Variants in CNBD1 observed in about 807,000 individuals in gnomAD.
The protein encoded by CNBD1 is cyclic nucleotide binding domain containing 1, also known as cyclic nucleotide-binding domain-containing protein 1.
CNBD1 carries 71 observed loss-of-function variants against 54.4 expected under a neutral mutation model. The ratio of observed to expected loss-of-function variants is 1.30; its 90% CI spans 1.08 to 1.59. The LOEUF (loss-of-function observed/expected upper bound fraction) is 1.59, where lower values mean the gene tolerates loss of function less well. CNBD1 is among the 40% of genes most tolerant of loss of function. The pLI, the probability that CNBD1 is intolerant of heterozygous loss-of-function variation, is 0.00. For missense variants in CNBD1, 659 were observed against 518.0 expected, an observed-to-expected ratio of 1.27 and a Z score of -2.64; for synonymous variants, 182 against 170.7, an observed-to-expected ratio of 1.07 and a Z score of -0.51.
intron 4 of CNBD1, among the ~76,000 whole-genome samples, chr8:87,119,910 G>T (rs1811856823): frequency 6.6e-6 from 1 of 151,976 alleles, no homozygotes; most frequent in Non-Finnish European, 1.5e-5. Context: ...AACTATCCTT[G>T]CATCCCTGGC....
chr8:87,389,592 T>A (rs138252157), intron 2 of CNBD1, among the ~76,000 whole-genome samples: 2,867 of 152,016 alleles, frequency 0.019, 90 homozygotes, highest in African/African-American at 0.062. Flanking sequence ...CTGCTCGAAG[T>A]AATAAAAGAG....
At chr8:87,354,776 T>A (rs1417499720) in intron 10 of CNBD1, among the ~76,000 whole-genome samples, 4 of 152,220 alleles carry the variant, frequency 2.6e-5, no homozygotes, top group Non-Finnish European at 5.9e-5. Context: ...ATGGTGTATA[T>A]GTGCCACATT....
chr8:87,225,250 A>G (rs866281576), intron 5 of CNBD1, among the ~76,000 whole-genome samples: 2,682 of 144,856 alleles, frequency 0.019, 81 homozygotes, highest in African/African-American at 0.062. Context: ...TCTCCTGCCT[A>G]ATTGCCCTGG....
At chr8:87,339,233 G>A (rs1221502775) in intron 8 of CNBD1, among the ~76,000 whole-genome samples, 1 of 152,240 alleles carries the variant, frequency 6.6e-6, no homozygotes, top group South Asian at 2.1e-4. Flanking sequence ...CTTACTATAA[G>A]TACATGCTAA....
At chr8:86,968,830 C>T in intron 4 of CNBD1, among the ~76,000 whole-genome samples, 1 of 152,178 alleles carries the variant, frequency 6.6e-6, no homozygotes, top group East Asian at 1.9e-4. Flanking sequence ...AGGAAGCAAT[C>T]AGATACGCAT....
chr8:87,005,311 G>A (rs1391685992), intron 4 of CNBD1, among the ~76,000 whole-genome samples: 10 of 151,728 alleles, frequency 6.6e-5, no homozygotes, highest in East Asian at 2.0e-4. Flanking sequence ...CAGAGCTTGC[G>A]GTGAGCTGAG....
intron 4 of CNBD1, among the ~76,000 whole-genome samples, chr8:87,016,936 G>C (rs928151435): frequency 6.6e-6 from 1 of 152,158 alleles, no homozygotes; most frequent in Non-Finnish European, 1.5e-5. Flanking sequence ...TGATAACTGG[G>C]ATATCCTCCC....
At chr8:87,214,749 C>A (rs1814172329) in intron 5 of CNBD1, among the ~76,000 whole-genome samples, 1 of 152,182 alleles carries the variant, frequency 6.6e-6, no homozygotes, top group Non-Finnish European at 1.5e-5. Flanking sequence ...TCACACATGG[C>A]AGCAGGCAAC....
chr8:87,417,253 A>G (rs1256739697), intron 2 of CNBD1, among the ~76,000 whole-genome samples: 2 of 151,978 alleles, frequency 1.3e-5, no homozygotes, highest in African/African-American at 4.8e-5. Context: ...ACTGCCCTTC[A>G]TAAAACCATC....
At chr8:87,183,504 A>G (rs146027342) in intron 4 of CNBD1, among the ~76,000 whole-genome samples, 135 of 150,066 alleles carry the variant, frequency 9.0e-4, no homozygotes, top group African/African-American at 3.3e-3. Context: ...TTTTCTTGCC[A>G]TCCAGATTCT....
At chr8:86,942,171 A>C (rs1201447309) in intron 4 of CNBD1, among the ~76,000 whole-genome samples, 3 of 152,214 alleles carry the variant, frequency 2.0e-5, no homozygotes, top group African/African-American at 7.2e-5. Context: ...GCTATGACAA[A>C]CTATTAATAG....
intron 4 of CNBD1, among the ~76,000 whole-genome samples, chr8:87,041,798 CA>C (rs1210768009): frequency 6.6e-6 from 1 of 151,662 alleles, no homozygotes; most frequent in South Asian, 2.1e-4. Flanking sequence ...GACTCCGTCT[CA>C]AAAAAAATAA....
At chr8:87,270,130 G>T (rs1808332789) in intron 6 of CNBD1, among the ~76,000 whole-genome samples, 1 of 151,864 alleles carries the variant, frequency 6.6e-6, no homozygotes, top group African/African-American at 2.4e-5. Context: ...AATGTGATTT[G>T]CCACATAAAT....
At chr8:86,996,973 T>C (rs1808888432) in intron 4 of CNBD1, among the ~76,000 whole-genome samples, 1 of 152,182 alleles carries the variant, frequency 6.6e-6, no homozygotes, top group African/African-American at 2.4e-5. Context: ...GTAAGGACAT[T>C]AATCCCATTT....
intron 8 of CNBD1, among the ~76,000 whole-genome samples, chr8:87,306,680 A>G (rs937132983): frequency 2.0e-5 from 3 of 152,034 alleles, no homozygotes; most frequent in Non-Finnish European, 4.4e-5. Flanking sequence ...CAAACATCAT[A>G]TGTTCTCACC....
At chr8:87,305,152 T>C (rs1809115172) in intron 8 of CNBD1, among the ~76,000 whole-genome samples, 1 of 152,020 alleles carries the variant, frequency 6.6e-6, no homozygotes, top group Non-Finnish European at 1.5e-5. Context: ...CAACACCTTT[T>C]ACAATAGCTG....
chr8:87,344,909 T>G (rs866257926), intron 8 of CNBD1, among the ~76,000 whole-genome samples: 1 of 152,282 alleles, frequency 6.6e-6, no homozygotes, highest in African/African-American at 2.4e-5. Flanking sequence ...AATATTTAAA[T>G]GGACAGTTAC....
Position 87,382,727 on chromosome 8 carries a change from G to C in CNBD1, c.*100G>C. The stretch of plus-strand genomic sequence containing the variant: ...CTATCAAACTACCAGCAATGAATTT[G>C]GTCTATTGTGACTACATATCCTGGA... On this transcript the variant is annotated 3_prime_UTR_variant, in exon 11 of 11. Coordinates refer to ENST00000518476, the MANE Select transcript of CNBD1 (RefSeq NM_173538.3). The C allele has an allele frequency of 1.1e-6, 1 of 932,034 alleles. No homozygotes were observed. The highest frequency in any genetic ancestry group is 1.7e-5 in the African/African-American group (1 of 60,602). 57.7% of individuals were successfully genotyped at this position (932,034 alleles called of 1,614,324 possible).
rs116897176 is a variant in CNBD1 at position 87,394,140 on chromosome 8, T to G, written c.214-34406T>G. Among the ~76,000 whole-genome samples the G allele has an allele frequency of 7.2e-3, 1,098 of 151,978 alleles. 12 individuals are homozygous for G. The highest frequency in any genetic ancestry group is 0.025 in the African/African-American group (1,039 of 41,526). On this transcript the variant is annotated intron_variant, in intron 2 of 7. Transcript: ENST00000521593. ...TGATAGGGCGTAACAATCACCCACA[T>G]AGAATATTTTATGAGCATGTTACAC...
Sources: allele counts gnomAD v4.1 joint callset (sites outside exome capture counted in the v4.1 genomes callset), GRCh38; gene constraint gnomAD v4.1.1; transcripts MANE v1.5; gene names NCBI Gene and HGNC (gene_info 2026-07-23, HGNC 2026-07-21).